Variants in SV2C observed in about 807,000 individuals in gnomAD.
SV2C encodes the protein synaptic vesicle glycoprotein 2C.
SV2C carries 49 observed loss-of-function variants against 79.7 expected under a neutral mutation model. The ratio of observed to expected loss-of-function variants is 0.61; its 90% CI spans 0.49 to 0.78. The LOEUF (loss-of-function observed/expected upper bound fraction) is 0.78. SV2C is among the 30% of genes least tolerant of loss of function. The pLI, the probability that SV2C is intolerant of heterozygous loss-of-function variation, is 0.00. For missense variants in SV2C, 833 were observed against 912.9 expected (o/e 0.91, Z 1.13); for synonymous variants, 334 against 333.2 (o/e 1.00, Z -0.03).
At chr5:75,998,501 A>G in the SV2C span, among the ~76,000 whole-genome samples, 3 of 152,126 alleles carry the variant, frequency 2.0e-5, no homozygotes, top group Non-Finnish European at 2.9e-5. Context: ...CCATAAATGG[A>G]TGAATCATGA....
intron 12 of SV2C, among the ~76,000 whole-genome samples, chr5:76,350,976 T>G (rs547965966): frequency 1.1e-3 from 169 of 150,330 alleles, no homozygotes; most frequent in Non-Finnish European, 2.0e-3. Flanking sequence ...ATCTCACCAC[T>G]GCACTCCTGC....
the SV2C span, among the ~76,000 whole-genome samples, chr5:75,959,323 G>A: frequency 6.6e-6 from 1 of 151,878 alleles, no homozygotes. Context: ...AGATTCTGTC[G>A]TTTATTCAGT....
intron 2 of SV2C, among the ~76,000 whole-genome samples, chr5:76,187,280 G>A (rs1743951572): frequency 6.6e-6 from 1 of 152,144 alleles, no homozygotes. Flanking sequence ...TCATTATTAG[G>A]CCTCTTCTTC....
chr5:76,257,146 G>C lies in SV2C; in HGVS notation c.914-28016G>C, dbSNP rs984841002. Among the ~76,000 whole-genome samples the C allele has an allele frequency of 1.2e-4, 15 of 121,570 alleles. No individual in the cohort carries two copies. The South Asian group carries it at 3.6e-3, about 29-fold the overall frequency. 79.8% of individuals were successfully genotyped at this position (121,570 alleles called of 152,430 possible). A position where few individuals can be genotyped will look rare whatever the true frequency, so the allele number is the denominator to read the frequency against. On this transcript the variant is annotated intron_variant, in intron 4 of 12. Transcript: ENST00000502798. ...ACTGAATTCAGCAAAGAAATTCCTT[G>C]ATGTTCCTACTTATTAATCTTATTA...
chr5:76,187,931 C>T (rs1238234146), intron 2 of SV2C, among the ~76,000 whole-genome samples: 1 of 152,080 alleles, frequency 6.6e-6, no homozygotes, highest in East Asian at 1.9e-4. Flanking sequence ...TTTTATTTCT[C>T]CGCTTTTCTC....
At chr5:75,877,152 T>C in the SV2C span, among the ~76,000 whole-genome samples, 3 of 152,162 alleles carry the variant, frequency 2.0e-5, no homozygotes, top group East Asian at 5.8e-4. Context: ...GCTATACTGA[T>C]AATCAGACAA....
intron 12 of SV2C, among the ~76,000 whole-genome samples, chr5:76,348,948 G>A (rs1373019106): frequency 2.0e-5 from 3 of 152,064 alleles, no homozygotes; most frequent in South Asian, 4.2e-4. Flanking sequence ...GCAGCGAGCC[G>A]AGACCATACC....
At chr5:75,880,096 C>T in the SV2C span, among the ~76,000 whole-genome samples, 2 of 152,172 alleles carry the variant, frequency 1.3e-5, no homozygotes, top group African/African-American at 2.4e-5. Flanking sequence ...GGGCTTTGGC[C>T]CTGGCCCATG....
the SV2C span, among the ~76,000 whole-genome samples, chr5:76,050,128 AC>A: frequency 2.0e-5 from 3 of 152,370 alleles, no homozygotes; most frequent in South Asian, 2.1e-4. Flanking sequence ...AATGCCCAAC[AC>A]ATAGTAAGCA....
At chr5:75,922,793 A>G in the SV2C span, among the ~76,000 whole-genome samples, 1 of 152,240 alleles carries the variant, frequency 6.6e-6, no homozygotes, top group Non-Finnish European at 1.5e-5. Flanking sequence ...GAAGCAACCC[A>G]GATCCCAAAA....
intron 4 of SV2C, among the ~76,000 whole-genome samples, chr5:76,232,824 C>T (rs1275302237): frequency 7.0e-6 from 1 of 143,488 alleles, no homozygotes; most frequent in Non-Finnish European, 1.5e-5. Flanking sequence ...CAGTACCATG[C>T]TGTTTTGGTT....
At chr5:76,032,176 C>A in the SV2C span, among the ~76,000 whole-genome samples, 2 of 151,780 alleles carry the variant, frequency 1.3e-5, no homozygotes, top group African/African-American at 4.8e-5. Context: ...TTAACTGATA[C>A]ATGCAAGAAA....
chr5:76,010,673 G>A, the SV2C span, among the ~76,000 whole-genome samples: 4 of 152,034 alleles, frequency 2.6e-5, no homozygotes, highest in South Asian at 2.1e-4. Context: ...ATTGGGTACC[G>A]ACTTAGAAAC....
intron 2 of SV2C, among the ~76,000 whole-genome samples, chr5:76,193,242 C>T (rs1478021847): frequency 1.3e-5 from 2 of 152,126 alleles, no homozygotes; most frequent in African/African-American, 4.8e-5. Flanking sequence ...TTTTGATAAG[C>T]CACTTTCCCC....
At chr5:75,974,975 A>T in the SV2C span, among the ~76,000 whole-genome samples, 8 of 152,180 alleles carry the variant, frequency 5.3e-5, no homozygotes, top group Non-Finnish European at 1.0e-4. Context: ...AAGTCATAAT[A>T]GTCTGCTCCT....
intron 4 of SV2C, among the ~76,000 whole-genome samples, chr5:76,256,785 C>T (rs996350383): frequency 6.6e-6 from 1 of 152,184 alleles, no homozygotes; most frequent in Non-Finnish European, 1.5e-5. Flanking sequence ...TTATATTTTC[C>T]TTATACAGAC....
intron 12 of SV2C, among the ~76,000 whole-genome samples, chr5:76,350,906 CAGG>C (rs748236791): frequency 4.0e-5 from 6 of 151,716 alleles, no homozygotes; most frequent in Non-Finnish European, 8.8e-5. Context: ...CCCAGCTACT[CAGG>C]AGGCTGAGGC....
chr5:75,975,930 A>G, the SV2C span, among the ~76,000 whole-genome samples: 2 of 152,158 alleles, frequency 1.3e-5, no homozygotes, highest in African/African-American at 4.8e-5. Flanking sequence ...TCCTGTTCAT[A>G]AAAGAGTTTT....
chr5:75,884,763 ATAAG>A, the SV2C span, among the ~76,000 whole-genome samples: 1 of 152,126 alleles, frequency 6.6e-6, no homozygotes, highest in East Asian at 1.9e-4. Context: ...ACTGTACCCC[ATAAG>A]TATGTACAAC....
Sources: allele counts gnomAD v4.1 joint callset (sites outside exome capture counted in the v4.1 genomes callset), GRCh38; gene constraint gnomAD v4.1.1; transcripts MANE v1.5; gene names NCBI Gene and HGNC (gene_info 2026-07-23, HGNC 2026-07-21).